The following SLC25A17 variants were observed in gnomAD, a reference collection of about 807,000 sequenced individuals.
SLC25A17 encodes peroxisomal membrane protein PMP34.
In SLC25A17, 26 loss-of-function variants were observed where a neutral mutation model predicts 38.5. The ratio of observed to expected loss-of-function variants is 0.68; its 90% CI spans 0.50 to 0.94. The LOEUF is 0.94. Among genes scored for constraint, SLC25A17 ranks in the 40% least tolerant of loss-of-function variants. The pLI is 0.00. For missense variants in SLC25A17, 333 were observed against 372.7 expected (o/e 0.89, Z 0.88); for synonymous variants, 139 against 136.2 (o/e 1.02, Z -0.14).
intron 8 of SLC25A17, 80 bp downstream of exon 8, chr22:40,773,857 A>T (rs1282290150): frequency 2.1e-6 from 2 of 975,290 alleles, no homozygotes; most frequent in Non-Finnish European, 3.3e-6. Flanking sequence ...CAGTAGTGTG[A>T]GAGAGGGAAA....
At chr22:40,807,039 T>G (rs750812255) in intron 1 of SLC25A17, among the ~76,000 whole-genome samples, 1 of 152,212 alleles carries the variant, frequency 6.6e-6, no homozygotes, top group Non-Finnish European at 1.5e-5. Context: ...ACACTTATCA[T>G]GCTTTCAAGG....
At chr22:40,790,966 C>T (rs1055055819) in intron 4 of SLC25A17, among the ~76,000 whole-genome samples, 5 of 152,202 alleles carry the variant, frequency 3.3e-5, no homozygotes, top group African/African-American at 1.2e-4. Flanking sequence ...CCCAAGTGAA[C>T]AAATCTCAAA....
At chr22:40,806,734 T>C (rs556968267) in intron 1 of SLC25A17, among the ~76,000 whole-genome samples, 1 of 152,178 alleles carries the variant, frequency 6.6e-6, no homozygotes, top group Non-Finnish European at 1.5e-5. Context: ...TACTTCCCAT[T>C]TCCCCCTTCA....
At chr22:40,813,550 C>T (rs1568990331) in intron 1 of SLC25A17, among the ~76,000 whole-genome samples, 1 of 144,842 alleles carries the variant, frequency 6.9e-6, no homozygotes, top group African/African-American at 2.6e-5. Context: ...AAAAAAATAC[C>T]CTCTCTATTA....
At chr22:40,791,543 C>CA (rs1190920987) in intron 4 of SLC25A17, among the ~76,000 whole-genome samples, 1 of 151,770 alleles carries the variant, frequency 6.6e-6, no homozygotes, top group Non-Finnish European at 1.5e-5. Context: ...AACTTCAGAG[C>CA]AAAAAAATGT....
chr22:40,814,858 C>T (rs1041107403), intron 1 of SLC25A17, among the ~76,000 whole-genome samples: 5 of 150,638 alleles, frequency 3.3e-5, no homozygotes, highest in East Asian at 1.9e-4. Context: ...CTTGCTCTGT[C>T]GTCCAGGCTG....
At chr22:40,782,594 T>C (rs920654029) in intron 4 of SLC25A17, among the ~76,000 whole-genome samples, 2 of 152,212 alleles carry the variant, frequency 1.3e-5, no homozygotes, top group African/African-American at 4.8e-5. Flanking sequence ...TAATTGGGTA[T>C]GCACTTCTGG....
chr22:40,792,753 G>A lies in SLC25A17; in HGVS notation c.183-77C>T, dbSNP rs1172080710. On this transcript the variant is annotated intron_variant, in intron 3 of 8. Transcript: ENST00000435456. ...TGGCAGAGAAATCCTAGGAAAGGCTGACCATCATTCACATGGTCTCAAGCT... is the reference window on the plus strand; with the variant it reads ...TGGCAGAGAAATCCTAGGAAAGGCTAACCATCATTCACATGGTCTCAAGCT... The A allele has an allele frequency of 4.0e-6, 6 of 1,487,694 alleles. No individual in the cohort carries two copies. In the East Asian group the frequency reaches 1.2e-4, roughly 29 times the overall value. 92.2% of individuals were successfully genotyped at this position (1,487,694 alleles called of 1,614,324 possible).
rs118187519 is a variant in SLC25A17 at position 40,772,765 on chromosome 22, T to G, written c.776+1172A>C. Among the ~76,000 whole-genome samples the G allele has an allele frequency of 8.5e-4, 130 of 152,194 alleles. 3 individuals are homozygous for G. In the East Asian group the frequency reaches 0.022, roughly 26 times the overall value. Reference sequence around the variant, plus strand: ...GAATCTCCTGCTTCAGCCTCGTGTGTAGCTGTGATTACAGGTTTGTGCCAC... The same window carrying G: ...GAATCTCCTGCTTCAGCCTCGTGTGGAGCTGTGATTACAGGTTTGTGCCAC... On this transcript the variant is annotated intron_variant, in intron 8 of 8. Transcript: ENST00000435456.
At chr22:40,779,359 A>AGCT in intron 4 of SLC25A17, 2 of 1,110,252 alleles carry the variant, frequency 1.8e-6, no homozygotes, top group Non-Finnish European at 1.2e-6. Context: ...CCAGATGAAG[A>AGCT]GCAATAAGTT....
chr22:40,773,842 C>T lies in SLC25A17; in HGVS notation c.776+95G>A, dbSNP rs989250484. The T allele has an allele frequency of 7.7e-5, 69 of 890,588 alleles. No homozygotes were observed. The South Asian group carries it at 9.2e-4, about 12-fold the overall frequency. The allele number at this position is 890,588 out of a possible 1,614,324, so 55.2% of individuals were successfully genotyped here. On this transcript the variant is annotated intron_variant, in intron 8 of 8. Transcript: ENST00000435456. Reference sequence around the variant, plus strand: ...GAAAGGTTTTGGAGGTTGCCACCACCAAGGCAGTAGTGTGAGAGAGGGAAA... The same window carrying T: ...GAAAGGTTTTGGAGGTTGCCACCACTAAGGCAGTAGTGTGAGAGAGGGAAA...
intron 1 of SLC25A17, among the ~76,000 whole-genome samples, chr22:40,801,732 A>G (rs2057486010): frequency 6.6e-6 from 1 of 152,194 alleles, no homozygotes; most frequent in South Asian, 2.1e-4. Flanking sequence ...AGTTAGAGAA[A>G]GCTTATTAAG....
chr22:40,787,171 G>C (rs142152818), intron 4 of SLC25A17, among the ~76,000 whole-genome samples: 1 of 152,232 alleles, frequency 6.6e-6, no homozygotes, highest in East Asian at 1.9e-4. Flanking sequence ...AGAAGAGGTA[G>C]CTGAGAATAA....
intron 2 of SLC25A17, among the ~76,000 whole-genome samples, chr22:40,797,846 C>T (rs1336734463): frequency 6.6e-6 from 1 of 152,220 alleles, no homozygotes; most frequent in Non-Finnish European, 1.5e-5. Flanking sequence ...CCTTCCTCCG[C>T]AGCCAACAAA....
At chr22:40,815,715 T>C (rs529084659) in intron 1 of SLC25A17, among the ~76,000 whole-genome samples, 1 of 152,368 alleles carries the variant, frequency 6.6e-6, no homozygotes, top group African/African-American at 2.4e-5. Context: ...TGAGGCATTG[T>C]TATTGTCCCT....
At chr22:40,778,585 T>C (rs1602590571) in intron 5 of SLC25A17, among the ~76,000 whole-genome samples, 1 of 152,250 alleles carries the variant, frequency 6.6e-6, no homozygotes, top group African/African-American at 2.4e-5. Flanking sequence ...TTTTTAATTA[T>C]ACTTTAAGTT....
chr22:40,796,022 C>T (rs140942304), intron 2 of SLC25A17, among the ~76,000 whole-genome samples: 1,716 of 151,396 alleles, frequency 0.011, 32 homozygotes, highest in African/African-American at 0.038. Flanking sequence ...CTCCTGACCT[C>T]AGGTGATCCG....
intron 4 of SLC25A17, chr22:40,788,813 G>A (rs2057360497): frequency 8.4e-6 from 2 of 237,922 alleles, no homozygotes; most frequent in Non-Finnish European, 1.8e-5. Context: ...TAGAAACCTG[G>A]AAGAAATTAT....
chr22:40,791,388 A>G (rs1005954405), intron 4 of SLC25A17, among the ~76,000 whole-genome samples: 1 of 152,172 alleles, frequency 6.6e-6, no homozygotes, highest in Non-Finnish European at 1.5e-5. Flanking sequence ...TTATTAGCCT[A>G]AACTCAGAGA....
Sources: allele counts gnomAD v4.1 joint callset (sites outside exome capture counted in the v4.1 genomes callset), GRCh38; gene constraint gnomAD v4.1.1; transcripts MANE v1.5; gene names NCBI Gene and HGNC (gene_info 2026-07-23, HGNC 2026-07-21).